Variants in RABL3 observed in about 807,000 individuals in gnomAD.
RABL3 encodes RAB, member of RAS oncogene family like 3.
RABL3 carries 31 observed loss-of-function variants against 31.8 expected under a neutral mutation model. The ratio of observed to expected loss-of-function variants is 0.97; its 90% CI spans 0.73 to 1.31. The LOEUF (loss-of-function observed/expected upper bound fraction) is 1.31. RABL3 is among the 40% of genes most tolerant of loss of function. The pLI is 0.00. For synonymous variants in RABL3, 97 were observed against 99.9 expected (o/e 0.97, Z 0.18); for missense variants, 263 against 279.6 (o/e 0.94, Z 0.42).
chr3:120,705,584 C>T (rs1180520112), intron 4 of RABL3, among the ~76,000 whole-genome samples: 1 of 152,184 alleles, frequency 6.6e-6, no homozygotes, highest in African/African-American at 2.4e-5. Flanking sequence ...GTTAGACATT[C>T]ATATGCAAAC....
chr3:120,711,424 A>G (rs542056966), intron 2 of RABL3, among the ~76,000 whole-genome samples: 4 of 152,248 alleles, frequency 2.6e-5, no homozygotes, highest in South Asian at 2.1e-4. Context: ...CAAAGTCTCT[A>G]TCTCCTTGCC....
At position 120,686,777 on chromosome 3, in the gene RABL3, T is replaced by C. The variant is rs1395186785; in HGVS notation, c.*3046A>G. On this transcript the variant is annotated 3_prime_UTR_variant, in exon 8 of 8. Transcript: ENST00000273375. ...AAAAGAAATAGGAAAACTTGTGTATTTTTATGTACAGTCTTATGCAGAAGT... is the reference window on the plus strand; with the variant it reads ...AAAAGAAATAGGAAAACTTGTGTATCTTTATGTACAGTCTTATGCAGAAGT... 1 of 152,184 alleles carries C rather than the reference T, an allele frequency of 6.6e-6. No individual in the cohort carries two copies. The highest frequency in any genetic ancestry group is 6.5e-5 in the Admixed American group (1 of 15,274). The allele number at this position is 152,184 out of a possible 1,614,324, so 9.4% of individuals were successfully genotyped here. A position where few individuals can be genotyped will look rare whatever the true frequency, so the allele number is the denominator to read the frequency against.
At chr3:120,702,830 T>G (rs1026739894) in intron 4 of RABL3, among the ~76,000 whole-genome samples, 1 of 152,166 alleles carries the variant, frequency 6.6e-6, no homozygotes, top group Admixed American at 6.5e-5. Context: ...GTGCTGAGAT[T>G]ACAGGCGTGA....
At chr3:120,704,302 C>T (rs1708524891) in intron 4 of RABL3, among the ~76,000 whole-genome samples, 1 of 152,148 alleles carries the variant, frequency 6.6e-6, no homozygotes, top group Non-Finnish European at 1.5e-5. Flanking sequence ...ATACTGACAG[C>T]CTAAAGAAGC....
Position 120,720,107 on chromosome 3 carries a change from G to C in RABL3, c.139-10198C>G, listed in dbSNP as rs992820131. Among the ~76,000 whole-genome samples, 4 of 152,230 alleles carry C rather than the reference G, an allele frequency of 2.6e-5. No homozygotes were observed. In the East Asian group the frequency reaches 5.8e-4, roughly 22 times the overall value. On this transcript the variant is annotated intron_variant, in intron 2 of 7. Transcript: ENST00000273375. ...AGCGGACCTCCAGCAAACTCCAACA[G>C]ATCTGCAGCTGAGGGTCCTGACTGT...
At chr3:120,711,772 C>G (rs1055686888) in intron 2 of RABL3, among the ~76,000 whole-genome samples, 2 of 152,140 alleles carry the variant, frequency 1.3e-5, no homozygotes, top group Non-Finnish European at 2.9e-5. Context: ...ACATGCCAAT[C>G]TTACTGAATC....
chr3:120,723,530 A>C (rs1444625318), intron 2 of RABL3, among the ~76,000 whole-genome samples: 1 of 152,256 alleles, frequency 6.6e-6, no homozygotes, highest in African/African-American at 2.4e-5. Context: ...CCTGAGGAAC[A>C]GCAATGCAAA....
At chr3:120,725,834 T>C (rs1253792069) in intron 2 of RABL3, among the ~76,000 whole-genome samples, 3 of 152,078 alleles carry the variant, frequency 2.0e-5, no homozygotes, top group Admixed American at 6.5e-5. Context: ...CATTAGGAGA[T>C]ATACCTAATG....
chr3:120,705,622 C>T (rs1206621693), intron 4 of RABL3, among the ~76,000 whole-genome samples: 2 of 152,166 alleles, frequency 1.3e-5, no homozygotes, highest in Non-Finnish European at 2.9e-5. Context: ...CCTCCCATCT[C>T]GTACAAAACT....
At chr3:120,734,153 T>C (rs912136894) in intron 1 of RABL3, among the ~76,000 whole-genome samples, 5 of 152,196 alleles carry the variant, frequency 3.3e-5, no homozygotes, top group East Asian at 3.9e-4. Flanking sequence ...GCCATTTTCA[T>C]GATATTGATT....
chr3:120,740,972 A>G (rs1709035750), intron 1 of RABL3, among the ~76,000 whole-genome samples: 1 of 152,234 alleles, frequency 6.6e-6, no homozygotes, highest in South Asian at 2.1e-4. Flanking sequence ...CCACAGTTAT[A>G]ACCCCAGAAC....
At chr3:120,738,880 A>G (rs567147106) in intron 1 of RABL3, among the ~76,000 whole-genome samples, 1 of 152,324 alleles carries the variant, frequency 6.6e-6, no homozygotes, top group South Asian at 2.1e-4. Context: ...CTTTGTTTAA[A>G]ATTAAAATTA....
In RABL3 at chr3:120,687,766, C is replaced by T. The variant is rs1708328509; in HGVS notation, c.*2057G>A. On this transcript the variant is annotated 3_prime_UTR_variant, in exon 8 of 8. Coordinates refer to ENST00000273375, the MANE Select transcript of RABL3 (RefSeq NM_173825.5). ...CCCTGGAGTCATCAGCAATAGTTTA[C>T]TTTTATTATTTATTTATATATTTAT... 6.6e-6 allele frequency: 1 copy of T among 150,916 alleles called. No individual in the cohort carries two copies. The highest frequency in any genetic ancestry group is 2.4e-5 in the African/African-American group (1 of 41,266). The allele number at this position is 150,916 out of a possible 1,614,324, so 9.3% of individuals were successfully genotyped here. A position where few individuals can be genotyped will look rare whatever the true frequency, so the allele number is the denominator to read the frequency against.
chr3:120,734,755 G>A (rs1576348667), intron 1 of RABL3, among the ~76,000 whole-genome samples: 1 of 152,092 alleles, frequency 6.6e-6, no homozygotes. Context: ...TAGCACAAAG[G>A]GCTGTAGAAT....
At chr3:120,713,066 G>A (rs902878664) in intron 2 of RABL3, among the ~76,000 whole-genome samples, 1 of 151,534 alleles carries the variant, frequency 6.6e-6, no homozygotes, top group African/African-American at 2.4e-5. Flanking sequence ...AGTACCTAAT[G>A]TTGCCTCCTC....
Position 120,706,035 on chromosome 3 carries a change from C to T in RABL3, c.348G>A (p.Arg116=), listed in dbSNP as rs1227314400. The change falls in exon 4 of 8, where the codon AGG becomes AGA. Residue 116 remains arginine (R), a synonymous_variant. Coordinates refer to ENST00000273375, the MANE Select transcript of RABL3 (RefSeq NM_173825.5). ...LRRWSLEALN[R]DLVPTGVLVT... is the part of the protein sequence containing the mutation. ...CCAAGACTCCAGTTGGCACCAAATC[C>T]CTGTTGAGAGCTTCCAATGACCAAC... The T allele has an allele frequency of 5.6e-6, 9 of 1,613,752 alleles. No homozygotes were observed. Among genetic ancestry groups the T allele is most frequent in the African/African-American group, 1.3e-5 (1 of 75,014 alleles).
At chr3:120,694,500 A>G (rs1313608415) in intron 5 of RABL3, among the ~76,000 whole-genome samples, 1 of 152,100 alleles carries the variant, frequency 6.6e-6, no homozygotes, top group Non-Finnish European at 1.5e-5. Flanking sequence ...AAGATTACTA[A>G]TATTTTACTA....
At chr3:120,722,757 A>G (rs1708762914) in intron 2 of RABL3, 1 of 152,236 alleles carries the variant, frequency 6.6e-6, no homozygotes. Context: ...AACGAGAACA[A>G]AGACACAACA....
Position 120,689,869 on chromosome 3 carries a change from C to T in RABL3, c.665G>A (p.Arg222Gln), listed in dbSNP as rs781463272. Reference sequence around the variant, plus strand: ...TAATGTTCCTGCCCCAAATCTTTTCCGATCAGGAAAGCCTGGAATCTGTAG... The same window carrying T: ...TAATGTTCCTGCCCCAAATCTTTTCTGATCAGGAAAGCCTGGAATCTGTAG... ...EGNQIPGFPD[R>Q]KRFGAGTLKS... Residue 222 changes from arginine (R) to glutamine (Q), a missense_variant, in exon 8 of 8, where the codon CGG (arginine) becomes CAG (glutamine). Transcript: ENST00000273375. 6.2e-6 allele frequency: 10 copies of T among 1,612,844 alleles called. No individual in the cohort carries two copies. The highest frequency in any genetic ancestry group is 1.1e-5 in the South Asian group (1 of 91,002).
Sources: allele counts gnomAD v4.1 joint callset (sites outside exome capture counted in the v4.1 genomes callset), GRCh38; gene constraint gnomAD v4.1.1; transcripts MANE v1.5; gene names NCBI Gene and HGNC (gene_info 2026-07-23, HGNC 2026-07-21).